RFTN1: variants seen among roughly 807,000 people sequenced by gnomAD.
RFTN1 encodes the protein raftlin, lipid raft linker 1, also known as raftlin.
Under a neutral mutation model 46.5 loss-of-function variants are expected in RFTN1, and 26 were observed. The ratio of observed to expected loss-of-function variants is 0.56; its 90% CI spans 0.41 to 0.78. The LOEUF (loss-of-function observed/expected upper bound fraction) is 0.78, where lower values mean the gene tolerates loss of function less well. Ranked by LOEUF, RFTN1 falls within the 30% of genes least tolerant of loss-of-function variation. RFTN1 has a pLI of 0.00. For missense variants in RFTN1, 693 were observed against 718.7 expected (o/e 0.96, Z 0.41); for synonymous variants, 261 against 284.2 (o/e 0.92, Z 0.82).
intron 7 of RFTN1, among the ~76,000 whole-genome samples, chr3:16,332,281 C>T (rs2070393855): frequency 6.6e-6 from 1 of 151,980 alleles, no homozygotes; most frequent in Admixed American, 6.6e-5. Context: ...ATTACCTTCC[C>T]CCACAGTTTT....
At chr3:16,406,806 G>C (rs2125442940) in intron 4 of RFTN1, among the ~76,000 whole-genome samples, 1 of 152,292 alleles carries the variant, frequency 6.6e-6, no homozygotes, top group South Asian at 2.1e-4. Flanking sequence ...CTAAAAGTCA[G>C]TTTCTAAGAA....
In RFTN1 at chr3:16,475,129, T is replaced by C. The variant is rs2076260223; in HGVS notation, c.145+18596A>G. ...TCGTCTCTTGCTTCCTCTCTCACCATGTGACACACCAGCTCCCCTTCCACT... is the reference window on the plus strand; with the variant it reads ...TCGTCTCTTGCTTCCTCTCTCACCACGTGACACACCAGCTCCCCTTCCACT... On this transcript the variant is annotated intron_variant, in intron 2 of 9. Coordinates refer to ENST00000334133, the MANE Select transcript of RFTN1 (RefSeq NM_015150.2). This position sits in a 1 kb window ranked among gnomAD's most constrained non-coding sequence, Gnocchi z 4.2. Among the ~76,000 whole-genome samples the C allele has an allele frequency of 6.6e-6, 1 of 152,166 alleles. No homozygotes were observed. The highest frequency in any genetic ancestry group is 6.5e-5 in the Admixed American group (1 of 15,274).
chr3:16,368,601 G>A (rs1245666324), intron 6 of RFTN1, among the ~76,000 whole-genome samples: 1 of 150,588 alleles, frequency 6.6e-6, no homozygotes, highest in Non-Finnish European at 1.5e-5. Flanking sequence ...AACCTGGGAG[G>A]TGGAGCTTGC....
At chr3:16,324,426 C>T (rs530837673) in intron 8 of RFTN1, among the ~76,000 whole-genome samples, 3 of 152,144 alleles carry the variant, frequency 2.0e-5, no homozygotes, top group Non-Finnish European at 4.4e-5. Flanking sequence ...CAACATCTCT[C>T]GTTTGCCCAT....
At chr3:16,482,792 G>A (rs751463331) in intron 2 of RFTN1, 8 of 1,535,992 alleles carry the variant, frequency 5.2e-6, no homozygotes, top group Non-Finnish European at 7.0e-6. Context: ...TCAGCTGCAG[G>A]GATCCCCAGA....
Position 16,400,238 on chromosome 3 carries a change from T to C in RFTN1, c.441+9137A>G, listed in dbSNP as rs2074568710. The stretch of plus-strand genomic sequence containing the variant: ...TTGCAGGCAAGACAGTGAACTCCCT[T>C]CTGCTCCTCAAACCAAACTTACTCC... On this transcript the variant is annotated intron_variant, in intron 4 of 9. Coordinates refer to ENST00000334133, the MANE Select transcript of RFTN1 (RefSeq NM_015150.2). This position sits in a 1 kb window ranked among gnomAD's most constrained non-coding sequence, Gnocchi z 4.5. Among the ~76,000 whole-genome samples the C allele has an allele frequency of 6.6e-6, 1 of 152,144 alleles. No homozygotes were observed. Among genetic ancestry groups the C allele is most frequent in the Non-Finnish European group, 1.5e-5 (1 of 68,010 alleles).
chr3:16,389,406 T>C (rs2074293899), intron 4 of RFTN1, among the ~76,000 whole-genome samples: 1 of 152,226 alleles, frequency 6.6e-6, no homozygotes, highest in South Asian at 2.1e-4. Flanking sequence ...GGATGGTTTT[T>C]CTGGAAGATG....
At chr3:16,401,211 T>C (rs1166723235) in intron 4 of RFTN1, among the ~76,000 whole-genome samples, 1 of 151,838 alleles carries the variant, frequency 6.6e-6, no homozygotes, top group African/African-American at 2.4e-5. Flanking sequence ...TAATCCCAGC[T>C]ACTTGGGAGG....
In RFTN1 at chr3:16,336,906, G is replaced by T. The variant is rs1043474096; in HGVS notation, c.1147-10030C>A. Among the ~76,000 whole-genome samples the T allele has an allele frequency of 6.6e-6, 1 of 152,162 alleles. No individual in the cohort carries two copies. The highest frequency in any genetic ancestry group is 2.4e-5 in the African/African-American group (1 of 41,430). On this transcript the variant is annotated intron_variant, in intron 7 of 9. Coordinates refer to ENST00000334133, the MANE Select transcript of RFTN1 (RefSeq NM_015150.2). This position sits in a 1 kb window ranked among gnomAD's most constrained non-coding sequence, Gnocchi z 6.0. Reference sequence around the variant, plus strand: ...ATGAAACATATTGTTTGGAAGAATGGTGTCTATTATGACTTCCCTGTGTCC... The same window carrying T: ...ATGAAACATATTGTTTGGAAGAATGTTGTCTATTATGACTTCCCTGTGTCC...
At chr3:16,415,472 A>G (rs1434773082) in intron 3 of RFTN1, among the ~76,000 whole-genome samples, 1 of 132,288 alleles carries the variant, frequency 7.6e-6, no homozygotes, top group African/African-American at 2.6e-5. Flanking sequence ...TATATACTGA[A>G]GTCTGGACTG....
intron 2 of RFTN1, among the ~76,000 whole-genome samples, chr3:16,493,355 C>A (rs754376632): frequency 1.1e-4 from 17 of 152,056 alleles, no homozygotes; most frequent in Admixed American, 1.3e-4. Context: ...CCTCAGCCTC[C>A]CGAGTAGCTG....
chr3:16,325,719 G>A (rs959074549), intron 8 of RFTN1, among the ~76,000 whole-genome samples: 1 of 152,206 alleles, frequency 6.6e-6, no homozygotes, highest in East Asian at 1.9e-4. Flanking sequence ...TCCCCCTGGT[G>A]CACTGACCCA....
rs767056242 is a variant in RFTN1 at position 16,323,449 on chromosome 3, C to G, written c.1259G>C (p.Ser420Thr). ...TPVVKTTSEG[S>T]VSTKQIVFLQ... ...AAAGACAATCTGCTTGGTGGATACA[C>G]TCCCCTCGCTGTAACACACGGAGCT... The change falls in exon 9 of 10, where the codon AGT becomes ACT. Residue 420 changes from serine (S) to threonine (T), a missense_variant. Ser to Thr is a moderately conservative substitution (Grantham distance 58, BLOSUM62 1). Transcript: ENST00000334133. 4 of 1,610,910 alleles carry G rather than the reference C, an allele frequency of 2.5e-6. No homozygotes were observed. The Admixed American group carries it at 6.7e-5, about 27-fold the overall frequency.
At chr3:16,414,669 G>A (rs1273586460) in intron 3 of RFTN1, among the ~76,000 whole-genome samples, 4 of 152,090 alleles carry the variant, frequency 2.6e-5, no homozygotes, top group Non-Finnish European at 5.9e-5. Flanking sequence ...GAATGGCAGG[G>A]GCAGCAGGGA....
At chr3:16,423,841 T>C (rs1366275389) in intron 3 of RFTN1, among the ~76,000 whole-genome samples, 2 of 152,232 alleles carry the variant, frequency 1.3e-5, no homozygotes, top group East Asian at 1.9e-4. Flanking sequence ...GTCCATCTCA[T>C]TCTCTCTAAC....
In RFTN1 at chr3:16,334,292, C is replaced by T. The variant is rs985055957; in HGVS notation, c.1147-7416G>A. Among the ~76,000 whole-genome samples, 5 of 152,190 alleles carry T rather than the reference C, an allele frequency of 3.3e-5. No homozygotes were observed. Among genetic ancestry groups the T allele is most frequent in the African/African-American group, 1.2e-4 (5 of 41,436 alleles). ...GTTGCCAAGGCCGTGGGGAAGCATGCGTTCTTGTACATTGCTAGTGGAAGG... is the reference window on the plus strand; with the variant it reads ...GTTGCCAAGGCCGTGGGGAAGCATGTGTTCTTGTACATTGCTAGTGGAAGG... On this transcript the variant is annotated intron_variant, in intron 7 of 9. Transcript: ENST00000334133. The surrounding 1 kb of genome is among the most constrained non-coding windows in gnomAD (Gnocchi z 4.3).
intron 2 of RFTN1, chr3:16,482,934 A>G: frequency 2.0e-6 from 2 of 1,024,476 alleles, no homozygotes; most frequent in Non-Finnish European, 1.4e-6. Flanking sequence ...CCCAACTCTG[A>G]CCCTGGGGCC....
intron 2 of RFTN1, among the ~76,000 whole-genome samples, chr3:16,453,026 A>G (rs1201445874): frequency 1.3e-5 from 2 of 152,268 alleles, no homozygotes. Flanking sequence ...TCCATTGGAC[A>G]TATATTGTCC....
rs1201106584 is a variant in RFTN1, at chr3:16,457,463, A to G, written c.146-23426T>C. On this transcript the variant is annotated intron_variant, in intron 2 of 9. Coordinates refer to ENST00000334133, the MANE Select transcript of RFTN1 (RefSeq NM_015150.2). The surrounding 1 kb of genome is among the most constrained non-coding windows in gnomAD (Gnocchi z 4.2). ...TCTAGAACATAGTAGTACTCAATAA[A>G]TGCCGGTTATCATTATACCTTCTTT... Among the ~76,000 whole-genome samples the G allele has an allele frequency of 6.6e-6, 1 of 152,212 alleles. No individual in the cohort carries two copies. The highest frequency in any genetic ancestry group is 1.5e-5 in the Non-Finnish European group (1 of 68,026).
Sources: allele counts gnomAD v4.1 joint callset (sites outside exome capture counted in the v4.1 genomes callset), GRCh38; gene constraint gnomAD v4.1.1; non-coding constraint Gnocchi (gnomAD v3.1); transcripts MANE v1.5; gene names NCBI Gene and HGNC (gene_info 2026-07-23, HGNC 2026-07-21).